ADAMTSL1: variants seen among roughly 807,000 people sequenced by gnomAD.
ADAMTSL1 encodes the protein ADAMTS like 1, also known as ADAMTS-like protein 1.
Under a neutral mutation model 201.8 loss-of-function variants are expected in ADAMTSL1, and 126 were observed. That is an observed-to-expected ratio of 0.62 (90% CI 0.54 to 0.72). ADAMTSL1 has a LOEUF of 0.72. Ranked by LOEUF, ADAMTSL1 falls within the 30% of genes least tolerant of loss-of-function variation. The pLI, the probability that ADAMTSL1 is intolerant of heterozygous loss-of-function variation, is 0.00. For synonymous variants in ADAMTSL1, 1,121 were observed against 903.4 expected (o/e 1.24, Z -4.32); for missense variants, 2,679 against 2,277.8 (o/e 1.18, Z -3.59).
chr9:18,220,517 C>A (rs1258690361), intron 2 of ADAMTSL1, among the ~76,000 whole-genome samples: 1 of 152,010 alleles, frequency 6.6e-6, no homozygotes, highest in Non-Finnish European at 1.5e-5. Flanking sequence ...TGTTTCTCTT[C>A]TAAACACCAT....
chr9:18,425,905 A>G (rs10810968), intron 2 of ADAMTSL1, among the ~76,000 whole-genome samples: 84,147 of 148,622 alleles, frequency 0.57, 25,991 homozygotes, highest in East Asian at 0.88. Flanking sequence ...GAAAGTGAGG[A>G]GAAAAGATGT....
chr9:18,762,606 T>A (rs1820138664), intron 16 of ADAMTSL1, among the ~76,000 whole-genome samples: 1 of 152,104 alleles, frequency 6.6e-6, no homozygotes, highest in Admixed American at 6.6e-5. Context: ...TATTACATAT[T>A]TTCATACCTA....
intron 2 of ADAMTSL1, among the ~76,000 whole-genome samples, chr9:18,319,360 C>T (rs1344676134): frequency 1.3e-5 from 2 of 152,106 alleles, no homozygotes; most frequent in African/African-American, 4.8e-5. Context: ...TGGCCTCAGC[C>T]TATTGATCTT....
chr9:18,140,388 G>A (rs1587140649), intron 1 of ADAMTSL1, among the ~76,000 whole-genome samples: 1 of 152,122 alleles, frequency 6.6e-6, no homozygotes, highest in East Asian at 1.9e-4. Flanking sequence ...GGTGTATGGG[G>A]CAAAGTCCAG....
At position 18,684,299 on chromosome 9, in the gene ADAMTSL1, C is replaced by CA. The variant is rs201718795; in HGVS notation, c.1490-405dup. Reference sequence around the variant, plus strand: ...ACATAGATCACACTTAGCTAAAAGGCAAAAAAAAAAAAGTTAGAATTTATG... The same window carrying CA: ...ACATAGATCACACTTAGCTAAAAGGCAAAAAAAAAAAAAGTTAGAATTTATG... On this transcript the variant is annotated intron_variant, in intron 12 of 28. Transcript: ENST00000380548. Among the ~76,000 whole-genome samples the CA allele has an allele frequency of 5.1e-4, 68 of 132,644 alleles. No homozygotes were observed. The South Asian group carries it at 5.5e-3, about 11-fold the overall frequency. 87.0% of individuals were successfully genotyped at this position (132,644 alleles called of 152,430 possible). A position where few individuals can be genotyped will look rare whatever the true frequency, so the allele number is the denominator to read the frequency against.
Position 18,388,466 on chromosome 9 carries a change from G to A in ADAMTSL1, c.208-116363G>A, listed in dbSNP as rs1261697404. On this transcript the variant is annotated intron_variant, in intron 2 of 29. Transcript: ENST00000680146. ...TTTTTGCATTTTCTGTAGAGACAAT[G>A]TCTCACCATGTTGCCCAGGCTGGTT... 2.0e-5 allele frequency among the ~76,000 whole-genome samples: 3 copies of A among 152,132 alleles called. No homozygotes were observed. The East Asian group carries it at 5.8e-4, about 29-fold the overall frequency.
chr9:18,196,044 T>G (rs1829163267), intron 2 of ADAMTSL1, among the ~76,000 whole-genome samples: 1 of 152,136 alleles, frequency 6.6e-6, no homozygotes, highest in Non-Finnish European at 1.5e-5. Context: ...AGTTTGTATA[T>G]TTTAGAACAT....
At chr9:18,774,716 A>G (rs1820878250) in intron 17 of ADAMTSL1, among the ~76,000 whole-genome samples, 1 of 152,192 alleles carries the variant, frequency 6.6e-6, no homozygotes, top group Non-Finnish European at 1.5e-5. Context: ...TATAAGAACT[A>G]TACTCCTTTT....
At chr9:18,021,874 TGTA>T (rs1820492695) in intron 1 of ADAMTSL1, among the ~76,000 whole-genome samples, 1 of 152,102 alleles carries the variant, frequency 6.6e-6, no homozygotes, top group South Asian at 2.1e-4. Flanking sequence ...TCTGACAAAC[TGTA>T]ATCAGGAACT....
chr9:18,361,923 C>G (rs1043968130), intron 2 of ADAMTSL1, among the ~76,000 whole-genome samples: 2 of 152,136 alleles, frequency 1.3e-5, no homozygotes, highest in African/African-American at 4.8e-5. Context: ...TAGAGGCCCT[C>G]TGTTTGGGAC....
chr9:18,328,560 T>C (rs374789920), intron 2 of ADAMTSL1, among the ~76,000 whole-genome samples: 3 of 152,168 alleles, frequency 2.0e-5, no homozygotes, highest in East Asian at 3.9e-4. Flanking sequence ...TGAAGAAACA[T>C]ACCCAGAAGG....
intron 2 of ADAMTSL1, among the ~76,000 whole-genome samples, chr9:18,383,482 T>A (rs1330394736): frequency 1.3e-5 from 2 of 152,120 alleles, no homozygotes; most frequent in Non-Finnish European, 2.9e-5. Flanking sequence ...CCAAGCCAAC[T>A]CAGACCAGAA....
intron 1 of ADAMTSL1, among the ~76,000 whole-genome samples, chr9:18,104,169 G>T (rs918844881): frequency 6.6e-6 from 1 of 152,068 alleles, no homozygotes; most frequent in Non-Finnish European, 1.5e-5. Context: ...TTCTCTACAG[G>T]CCACACAGCT....
At chr9:17,965,232 A>C (rs1588489051) in intron 1 of ADAMTSL1, among the ~76,000 whole-genome samples, 1 of 152,168 alleles carries the variant, frequency 6.6e-6, no homozygotes, top group African/African-American at 2.4e-5. Flanking sequence ...TTTCCTATGA[A>C]CATTTAAAGG....
chr9:18,616,381 G>A (rs896729345), intron 4 of ADAMTSL1, among the ~76,000 whole-genome samples: 2 of 152,202 alleles, frequency 1.3e-5, no homozygotes, highest in African/African-American at 2.4e-5. Flanking sequence ...GAGGTTATTA[G>A]AGCCACCTCT....
intron 23 of ADAMTSL1, among the ~76,000 whole-genome samples, chr9:18,884,258 C>T (rs1008902897): frequency 6.6e-6 from 1 of 152,098 alleles, no homozygotes; most frequent in Non-Finnish European, 1.5e-5. Flanking sequence ...GGGCATTTGC[C>T]TGAACCGGGT....
intron 16 of ADAMTSL1, among the ~76,000 whole-genome samples, chr9:18,757,460 C>G (rs1819838657): frequency 6.6e-6 from 1 of 152,122 alleles, no homozygotes; most frequent in African/African-American, 2.4e-5. Flanking sequence ...TCATGACAGT[C>G]TACTGCTAGG....
intron 19 of ADAMTSL1, among the ~76,000 whole-genome samples, chr9:18,793,605 G>C (rs1009306956): frequency 7.2e-5 from 11 of 152,006 alleles, no homozygotes; most frequent in African/African-American, 2.7e-4. Context: ...CATAATATTG[G>C]GTGAACAGTT....
intron 2 of ADAMTSL1, among the ~76,000 whole-genome samples, chr9:18,339,419 A>G (rs978923291): frequency 1.3e-5 from 2 of 152,176 alleles, no homozygotes; most frequent in African/African-American, 4.8e-5. Context: ...ATCTCACACT[A>G]ATCAGAATGG....
Sources: gnomAD v4.1 joint callset for allele counts (sites outside exome capture counted in the v4.1 genomes callset) on GRCh38, gnomAD v4.1.1 for gene constraint, MANE v1.5 for transcripts, NCBI Gene and HGNC (gene_info 2026-07-23, HGNC 2026-07-21) for gene names.